The following DMD variants were observed in gnomAD, a reference collection of about 807,000 sequenced individuals.
DMD encodes the protein mutant dystrophin.
A neutral mutation model predicts 330.1 loss-of-function variants in DMD; 63 were observed. The ratio of observed to expected loss-of-function variants is 0.19; its 90% CI spans 0.16 to 0.24. The LOEUF is 0.24. Ranked by LOEUF, DMD falls within the 10% of genes least tolerant of loss-of-function variation. DMD has a pLI of 1.00. For synonymous variants in DMD, 1,223 were observed against 959.8 expected (o/e 1.27, Z -5.07); for missense variants, 3,344 against 2,684.1 (o/e 1.25, Z -5.43).
chrX:31,481,059 G>A (rs775556316), intron 57 of DMD, among the ~76,000 whole-genome samples: 2 of 112,309 alleles, frequency 1.8e-5, no homozygotes, highest in Non-Finnish European at 3.8e-5. Flanking sequence ...GTGCAGTATG[G>A]TATGTATCGG....
chrX:31,200,828 G>A (rs1470882838), intron 67 of DMD, among the ~76,000 whole-genome samples: 2 of 111,267 alleles, frequency 1.8e-5, no homozygotes, highest in East Asian at 5.6e-4. Context: ...GAGAAGGCCT[G>A]GAAACAATGT....
At chrX:32,794,392 A>G (rs2076037777) in intron 7 of DMD, among the ~76,000 whole-genome samples, 2 of 111,484 alleles carry the variant, frequency 1.8e-5, no homozygotes, top group Non-Finnish European at 3.8e-5. Context: ...GATCGAGATC[A>G]TCCTGGCTAA....
intron 59 of DMD, among the ~76,000 whole-genome samples, chrX:31,448,800 A>G (rs1450750236): frequency 8.9e-6 from 1 of 112,100 alleles, no homozygotes; most frequent in Non-Finnish European, 1.9e-5. Flanking sequence ...AGTTTCTCAC[A>G]GGCAGAATTT....
At chrX:31,502,200 C>T (rs1422399962) in intron 56 of DMD, among the ~76,000 whole-genome samples, 1 of 111,398 alleles carries the variant, frequency 9.0e-6, no homozygotes, top group Non-Finnish European at 1.9e-5. Flanking sequence ...TCCAGGGTGT[C>T]ATCAACAGAT....
intron 51 of DMD, among the ~76,000 whole-genome samples, chrX:31,770,305 C>T (rs2090259713): frequency 8.9e-6 from 1 of 112,097 alleles, no homozygotes. Flanking sequence ...TGCCTGTAGG[C>T]CATCATCAAA....
At chrX:31,593,057 T>C (rs1335989673) in intron 55 of DMD, among the ~76,000 whole-genome samples, 1 of 111,124 alleles carries the variant, frequency 9.0e-6, no homozygotes, top group Non-Finnish European at 1.9e-5. Context: ...GAGCATTGGT[T>C]ACTCATGTTG....
intron 59 of DMD, among the ~76,000 whole-genome samples, chrX:31,456,946 A>G (rs928700545): frequency 1.9e-4 from 20 of 106,865 alleles, no homozygotes; most frequent in Non-Finnish European, 3.8e-5. Flanking sequence ...CACAATCATT[A>G]GCAGAGGTAC....
intron 7 of DMD, 78 bp from the exon 8 acceptor site, chrX:32,699,371 G>T (rs954090409): frequency 2.5e-6 from 2 of 794,602 alleles, no homozygotes; most frequent in South Asian, 4.2e-5. Context: ...ACAAATCAAA[G>T]TTAAAGGAAG....
chrX:31,126,840 C>T (rs1286826968), intron 77 of DMD, 167 bp from the exon 78 acceptor site: 1 of 448,901 alleles, frequency 2.2e-6, no homozygotes. Flanking sequence ...ACAAAAAACC[C>T]AAAAGACACA....
intron 19 of DMD, among the ~76,000 whole-genome samples, chrX:32,495,682 A>G (rs976829863): frequency 8.9e-6 from 1 of 112,116 alleles, no homozygotes; most frequent in Non-Finnish European, 1.9e-5. Flanking sequence ...GCGTTATCCA[A>G]GTAAATATTT....
chrX:31,125,646 C>T (rs1183314329), intron 78 of DMD, among the ~76,000 whole-genome samples: 3 of 111,761 alleles, frequency 2.7e-5, no homozygotes, highest in Non-Finnish European at 5.6e-5. Flanking sequence ...TCAGTTAACA[C>T]TTTGTCATCC....
chrX:32,123,366 G>A lies in DMD; in HGVS notation c.6438+93550C>T, dbSNP rs186111756. On this transcript the variant is annotated intron_variant, in intron 44 of 78. Transcript: ENST00000357033. Reference sequence around the variant, plus strand: ...TACAGGGCTTGATCACAGATCTGCGGGCTCCACTCTCCAAGAATTTCTGTT... The same window carrying A: ...TACAGGGCTTGATCACAGATCTGCGAGCTCCACTCTCCAAGAATTTCTGTT... Among the ~76,000 whole-genome samples the A allele has an allele frequency of 7.6e-5, 8 of 104,925 alleles. No individual in the cohort carries two copies. The East Asian group carries it at 2.4e-3, about 32-fold the overall frequency. The allele number at this position is 104,925 out of a possible 115,157, so 91.1% of individuals were successfully genotyped here. A position where few individuals can be genotyped will look rare whatever the true frequency, so the allele number is the denominator to read the frequency against.
chrX:31,506,116 G>A (rs2070919542), intron 56 of DMD, among the ~76,000 whole-genome samples: 1 of 112,127 alleles, frequency 8.9e-6, no homozygotes, highest in African/African-American at 3.2e-5. Context: ...GCATTGCGTG[G>A]TATGTAGGTA....
intron 12 of DMD, among the ~76,000 whole-genome samples, chrX:32,613,770 G>A (rs1017049363): frequency 2.7e-5 from 3 of 111,037 alleles, no homozygotes; most frequent in Admixed American, 9.6e-5. Context: ...TTCCAAATAC[G>A]AAAAGCCTAG....
intron 1 of DMD, among the ~76,000 whole-genome samples, chrX:33,181,419 C>A (rs986561149): frequency 9.0e-6 from 1 of 111,632 alleles, no homozygotes; most frequent in African/African-American, 3.3e-5. Flanking sequence ...AGGAACATGG[C>A]AGTTATAACA....
At position 31,444,592 on chromosome X, in the gene DMD, G is replaced by C. The variant is rs772306909; in HGVS notation, c.8973C>G (p.Asn2991Lys). 2.6e-5 allele frequency: 31 copies of C among 1,211,501 alleles called. No homozygotes were observed. In the South Asian group the frequency reaches 5.4e-4, roughly 21 times the overall value. ...GAGCAAGGTCATTGACGTGGCTCAC[G>C]TTCTCTTTCAGAGGCGCAATTTCTC... is the stretch of plus-strand genomic sequence containing the variant. ...LRGEIAPLKE[N>K]VSHVNDLARQ... Residue 2991 changes from asparagine to lysine, a missense_variant, in exon 60 of 79, where the codon AAC becomes AAG. Asn to Lys is a moderately conservative substitution (Grantham distance 94, BLOSUM62 0). Transcript: ENST00000357033.
intron 7 of DMD, among the ~76,000 whole-genome samples, chrX:32,747,137 T>C (rs2070142445): frequency 8.9e-6 from 1 of 112,384 alleles, no homozygotes; most frequent in South Asian, 3.7e-4. Context: ...ATCTCAACAA[T>C]CTGTTTTAAC....
Position 31,444,520 on chromosome X carries a change from G to A in DMD, c.9045C>T (p.Ser3015=). The A allele has an allele frequency of 8.3e-7, 1 of 1,211,838 alleles. No homozygotes were observed. Among genetic ancestry groups the A allele is most frequent in the Non-Finnish European group, 1.1e-6 (1 of 895,429 alleles). The change falls in exon 60 of 79, where the codon AGC becomes AGT. Residue 3015 remains serine, a synonymous_variant. Coordinates refer to ENST00000357033, the MANE Select transcript of DMD (RefSeq NM_004006.3). ...LGIQLSPYNL[S]TLEDLNTRWK... Reference sequence around the variant, plus strand: ...ATCTGGTGTTCAGGTCTTCCAGAGTGCTGAGGTTATACGGTGAGAGCTGAA... The same window carrying A: ...ATCTGGTGTTCAGGTCTTCCAGAGTACTGAGGTTATACGGTGAGAGCTGAA...
At chrX:33,193,366 A>C (rs1240022344) in intron 1 of DMD, among the ~76,000 whole-genome samples, 1 of 112,178 alleles carries the variant, frequency 8.9e-6, no homozygotes, top group Non-Finnish European at 1.9e-5. Context: ...TTTTTCTCCA[A>C]TGGGAATTTA....
Sources: allele counts gnomAD v4.1 joint callset (sites outside exome capture counted in the v4.1 genomes callset), GRCh38; gene constraint gnomAD v4.1.1; transcripts MANE v1.5; gene names NCBI Gene and HGNC (gene_info 2026-07-23, HGNC 2026-07-21).